DNAH7: variants seen among roughly 807,000 people sequenced by gnomAD.
DNAH7 encodes axonemal beta dynein heavy chain 7.
A neutral mutation model predicts 444.6 loss-of-function variants in DNAH7; 397 were observed. That is an observed-to-expected ratio of 0.89 (90% CI 0.82 to 0.97). The LOEUF is 0.97. DNAH7 is among the 50% of genes least tolerant of loss of function. DNAH7 has a pLI of 0.00. For missense variants in DNAH7, 4,902 were observed against 4,800.8 expected (o/e 1.02, Z -0.62); for synonymous variants, 1,636 against 1,624.4 (o/e 1.01, Z -0.17).
At chr2:196,059,663 G>A (rs1470480786) in intron 1 of DNAH7, among the ~76,000 whole-genome samples, 6 of 152,122 alleles carry the variant, frequency 3.9e-5, no homozygotes, top group Non-Finnish European at 7.4e-5. Context: ...AGCAAGTTTC[G>A]CCAGCATCCC....
chr2:195,776,984 T>C (rs750673582), intron 59 of DNAH7, among the ~76,000 whole-genome samples: 2 of 152,204 alleles, frequency 1.3e-5, no homozygotes, highest in Non-Finnish European at 2.9e-5. Flanking sequence ...AGCTCCCATG[T>C]TGACTTGCTG....
In DNAH7 at chr2:195,799,312, T is replaced by G. The variant is rs770582534; in HGVS notation, c.10337A>C (p.Lys3446Thr). Residue 3446 changes from lysine to threonine, a missense_variant, in exon 55 of 65, where the codon AAA becomes ACA. Physicochemically the swap from Lys to Thr is moderately conservative, Grantham distance 78 (BLOSUM62 -1). Coordinates refer to ENST00000312428, the MANE Select transcript of DNAH7 (RefSeq NM_018897.3). ...PGADPMAALL[K>T]FADDQGYGGS... ...GTAAGGTACCTGGTCATCAGCAAAT[T>G]TTAGAAGGGCAGCCATGGGATCTGC... 11 of 1,585,224 alleles carry G rather than the reference T, an allele frequency of 6.9e-6. No individual in the cohort carries two copies. In the African/African-American group the frequency reaches 1.4e-4, roughly 20 times the overall value.
At chr2:195,951,887 G>A (rs1472794421) in intron 19 of DNAH7, among the ~76,000 whole-genome samples, 2 of 152,034 alleles carry the variant, frequency 1.3e-5, no homozygotes, top group African/African-American at 4.8e-5. Flanking sequence ...TTTATCCAAT[G>A]TGACAGTCTG....
intron 40 of DNAH7, among the ~76,000 whole-genome samples, chr2:195,871,513 A>G (rs1218856183): frequency 6.6e-6 from 1 of 152,062 alleles, no homozygotes. Context: ...GAGCTTAAAT[A>G]CATTTTTATA....
intron 63 of DNAH7, among the ~76,000 whole-genome samples, chr2:195,751,609 T>C (rs969262885): frequency 2.1e-4 from 32 of 152,216 alleles, no homozygotes; most frequent in African/African-American, 6.3e-4. Context: ...GATAATAAGG[T>C]GAAATGGGCG....
At chr2:196,002,442 T>C (rs1045355308) in intron 10 of DNAH7, among the ~76,000 whole-genome samples, 4 of 152,160 alleles carry the variant, frequency 2.6e-5, no homozygotes, top group African/African-American at 9.7e-5. Flanking sequence ...AATAAAAGGA[T>C]TACAGTGTAA....
chr2:195,933,616 G>A (rs1461954595), intron 21 of DNAH7, among the ~76,000 whole-genome samples: 1 of 152,004 alleles, frequency 6.6e-6, no homozygotes, highest in African/African-American at 2.4e-5. Context: ...GGATGAAGCT[G>A]GAAACCATCA....
intron 27 of DNAH7, chr2:195,905,610 T>C (rs550990459): frequency 1.3e-5 from 2 of 152,280 alleles, no homozygotes; most frequent in Admixed American, 6.5e-5. Flanking sequence ...TATTGCATTA[T>C]TCTTCAACAT....
At chr2:195,767,128 C>G in intron 61 of DNAH7, among the ~76,000 whole-genome samples, 1 of 151,970 alleles carries the variant, frequency 6.6e-6, no homozygotes, top group East Asian at 1.9e-4. Context: ...ATGTTGATAT[C>G]TGTTCACTCT....
intron 58 of DNAH7, among the ~76,000 whole-genome samples, chr2:195,778,669 T>TACACACAC (rs1198664361): frequency 3.1e-5 from 2 of 64,098 alleles, no homozygotes; most frequent in African/African-American, 1.6e-4. Flanking sequence ...TATATATATA[T>TACACACAC]ACACACACAC....
intron 60 of DNAH7, among the ~76,000 whole-genome samples, chr2:195,775,281 A>C (rs140141706): frequency 0.013 from 2,026 of 152,294 alleles, 31 homozygotes; most frequent in Non-Finnish European, 0.016. Context: ...CTGCATCTAC[A>C]AATTCTTCTC....
intron 37 of DNAH7, 31 bp downstream of exon 37, chr2:195,876,513 T>C (rs1701065886): frequency 1.3e-6 from 2 of 1,598,104 alleles, no homozygotes; most frequent in Non-Finnish European, 1.7e-6. Flanking sequence ...TGTATATGAA[T>C]AGGCCCGGGT....
chr2:195,858,441 T>C (rs917195407), intron 43 of DNAH7, 33 bp downstream of exon 43: 1 of 1,495,632 alleles, frequency 6.7e-7, no homozygotes. Flanking sequence ...TATGATGACA[T>C]GTGTCCTAGA....
intron 19 of DNAH7, among the ~76,000 whole-genome samples, chr2:195,944,754 A>C (rs1202405443): frequency 1.3e-5 from 2 of 152,152 alleles, no homozygotes; most frequent in Non-Finnish European, 2.9e-5. Flanking sequence ...GAGAAATAAA[A>C]GGCTCTTTTA....
chr2:195,972,233 GATGCCAACCTTCA>G lies in DNAH7; in HGVS notation c.2054_2058+8del, dbSNP rs1256018038. 6.3e-7 allele frequency: 1 copy of G among 1,596,118 alleles called. No homozygotes were observed. Among genetic ancestry groups the G allele is most frequent in the South Asian group, 1.1e-5 (1 of 88,722 alleles). ...CAGAAAATGAAAATAAAATATCTAA[GATGCCAACCTTCA>G]GACCTTCTTGATATTGTTCTATTTT... On this transcript the variant is annotated splice_donor_variant and splice_donor_5th_base_variant and coding_sequence_variant and intron_variant, in exon 16 of 65. Coordinates refer to ENST00000312428, the MANE Select transcript of DNAH7 (RefSeq NM_018897.3). LOFTEE classifies it high-confidence loss of function.
intron 29 of DNAH7, 22 bp from the exon 30 acceptor site, chr2:195,895,246 G>T: frequency 1.3e-6 from 2 of 1,525,348 alleles, no homozygotes; most frequent in Non-Finnish European, 8.9e-7. Context: ...TGATTTGAAG[G>T]ATTTACATTT....
At chr2:195,878,624 TA>T (rs1701193950) in intron 36 of DNAH7, among the ~76,000 whole-genome samples, 1 of 151,928 alleles carries the variant, frequency 6.6e-6, no homozygotes, top group African/African-American at 2.4e-5. Context: ...ATAATGAAAA[TA>T]AGAATGCAAC....
chr2:195,829,536 T>C (rs1216050629), intron 48 of DNAH7, among the ~76,000 whole-genome samples: 1 of 152,092 alleles, frequency 6.6e-6, no homozygotes, highest in African/African-American at 2.4e-5. Flanking sequence ...TGCTCAACCA[T>C]TTTGAACCAA....
At chr2:195,854,372 T>C (rs1699572851) in intron 45 of DNAH7, among the ~76,000 whole-genome samples, 1 of 152,210 alleles carries the variant, frequency 6.6e-6, no homozygotes, top group Non-Finnish European at 1.5e-5. Flanking sequence ...AATAGGAATT[T>C]GGCTTGTGCT....
Sources: allele counts gnomAD v4.1 joint callset (sites outside exome capture counted in the v4.1 genomes callset), GRCh38; gene constraint gnomAD v4.1.1; transcripts MANE v1.5; gene names NCBI Gene and HGNC (gene_info 2026-07-23, HGNC 2026-07-21).